PCDHA4: variants seen among roughly 807,000 people sequenced by gnomAD.
The protein encoded by PCDHA4 is protocadherin alpha-4.
PCDHA4 carries 49 observed loss-of-function variants against 61.4 expected under a neutral mutation model. That is an observed-to-expected ratio of 0.80 (90% CI 0.63 to 1.01). The LOEUF is 1.01. PCDHA4 is among the 50% of genes least tolerant of loss of function. The probability of loss-of-function intolerance (pLI) is 0.00; values close to 1 mark genes in which losing one functional copy is unlikely to be tolerated. For missense variants in PCDHA4, 1,254 were observed against 1,235.8 expected (o/e 1.01, Z -0.22); for synonymous variants, 590 against 550.3 (o/e 1.07, Z -1.01).
rs146197308 is a variant in PCDHA4 at position 140,808,877 on chromosome 5, G to A, written c.1690G>A (p.Ala564Thr). 1.9e-4 allele frequency: 304 copies of A among 1,613,254 alleles called. 1 individual carries two copies. In the African/African-American group the frequency reaches 3.5e-3, roughly 18 times the overall value. ...GCTGGACGAAAACGACAACGCGCCAGCACTGCTAGCGCCTCGGGCGGGTGG... is the reference window on the plus strand; with the variant it reads ...GCTGGACGAAAACGACAACGCGCCAACACTGCTAGCGCCTCGGGCGGGTGG... ...FVLDENDNAPALLAPRAGGTG... is the reference protein window; with the variant it reads ...FVLDENDNAPTLLAPRAGGTG... Residue 564 changes from alanine to threonine, a missense_variant, in exon 1 of 4, where the codon GCA becomes ACA. By Grantham distance (58) the Ala-to-Thr change is moderately conservative. Transcript: ENST00000530339.
chr5:140,978,787 C>G (rs1164015518), intron 1 of PCDHA4, 162 bp from the exon 2 acceptor site: 2 of 972,388 alleles, frequency 2.1e-6, no homozygotes, highest in Non-Finnish European at 2.4e-6. Context: ...TTCTAAAGTG[C>G]TATATATGTA....
In PCDHA4 at chr5:140,807,228, T is replaced by C; in HGVS notation, c.41T>C (p.Leu14Pro). 1 of 1,614,210 alleles carries C rather than the reference T, an allele frequency of 6.2e-7. No individual in the cohort carries two copies. The highest frequency in any genetic ancestry group is 1.1e-5 in the South Asian group (1 of 91,086). The change falls in exon 1 of 4, where the codon CTG becomes CCG. Residue 14 changes from leucine (L) to proline (P), a missense_variant. Transcript: ENST00000530339. ...GGAAGCGGCCAGGAATCCCGGCGTC[T>C]GCTGCTCTTACTTCTTCTCCTCGCA... ...SWGSGQESRR[L>P]LLLLLLLAAW...
intron 1 of PCDHA4, among the ~76,000 whole-genome samples, chr5:140,818,779 TTGAC>T (rs1474939105): frequency 1.3e-5 from 2 of 152,184 alleles, no homozygotes; most frequent in Non-Finnish European, 2.9e-5. Context: ...GCAATGAACT[TTGAC>T]TGTACCACTG....
chr5:140,811,611 C>T (rs1456888905), intron 1 of PCDHA4: 1 of 152,222 alleles, frequency 6.6e-6, no homozygotes, highest in East Asian at 1.9e-4. Context: ...TTTACACTCC[C>T]ACCAACGGTG....
At chr5:140,927,457 A>G in intron 1 of PCDHA4, 1 of 1,614,098 alleles carries the variant, frequency 6.2e-7, no homozygotes, top group Non-Finnish European at 8.5e-7. Flanking sequence ...GGTGTTGGAG[A>G]AAGCACTGGA....
At chr5:140,883,758 G>T in intron 1 of PCDHA4, 1 of 1,612,920 alleles carries the variant, frequency 6.2e-7, no homozygotes, top group Non-Finnish European at 8.5e-7. Flanking sequence ...CTGGTGGAGC[G>T]GCGGGTGGGC....
rs2150440873 is a variant in PCDHA4, at chr5:140,849,570, G to C, written c.2385+39998G>C. The C allele has an allele frequency of 3.3e-4, 531 of 1,598,560 alleles. 47 individuals carry two copies. Among genetic ancestry groups the C allele is most frequent in the Non-Finnish European group, 4.4e-4 (516 of 1,167,980 alleles). On this transcript the variant is annotated intron_variant, in intron 1 of 3. Coordinates refer to ENST00000530339, the MANE Select transcript of PCDHA4 (RefSeq NM_018907.4). ...GACTATCAAAACGCTCTCGGTTCCTGTAAAAGAGGACGCACAACTGGGGAC... is the reference window on the plus strand; with the variant it reads ...GACTATCAAAACGCTCTCGGTTCCTCTAAAAGAGGACGCACAACTGGGGAC...
intron 2 of PCDHA4, among the ~76,000 whole-genome samples, chr5:140,981,165 T>C (rs1411910974): frequency 6.6e-6 from 1 of 152,250 alleles, no homozygotes; most frequent in Non-Finnish European, 1.5e-5. Flanking sequence ...ATATGTTGCC[T>C]TCCCTCTAAT....
chr5:140,809,920 G>A, intron 1 of PCDHA4: 1 of 175,738 alleles, frequency 5.7e-6, no homozygotes, highest in Non-Finnish European at 1.2e-5. Context: ...AAATAATAAA[G>A]CTCCATAAAT....
intron 1 of PCDHA4, among the ~76,000 whole-genome samples, chr5:140,826,017 A>G (rs1296923952): frequency 2.6e-5 from 4 of 152,190 alleles, no homozygotes; most frequent in Non-Finnish European, 4.4e-5. Flanking sequence ...TTTACATGAT[A>G]AAATGTGAAT....
chr5:140,924,785 C>G (rs2082005933), intron 1 of PCDHA4, among the ~76,000 whole-genome samples: 1 of 151,704 alleles, frequency 6.6e-6, no homozygotes, highest in African/African-American at 2.4e-5. Context: ...GTCCTAGCTA[C>G]TTAGGAGGCT....
intron 1 of PCDHA4, chr5:140,860,013 G>T (rs1218796590): frequency 6.6e-6 from 1 of 151,942 alleles, no homozygotes; most frequent in African/African-American, 2.4e-5. Flanking sequence ...TTAAGGCCAG[G>T]CATGGTGGCT....
intron 1 of PCDHA4, among the ~76,000 whole-genome samples, chr5:140,934,604 G>C (rs1389000917): frequency 6.6e-6 from 1 of 151,762 alleles, no homozygotes; most frequent in Non-Finnish European, 1.5e-5. Context: ...TCAACTATTT[G>C]ATTAGCCTGA....
Position 140,850,173 on chromosome 5 carries a change from G to T in PCDHA4, c.2385+40601G>T, listed in dbSNP as rs2150470730. The T allele has an allele frequency of 4.0e-5, 64 of 1,594,368 alleles. 5 individuals carry two copies. The highest frequency in any genetic ancestry group is 5.0e-5 in the Non-Finnish European group (58 of 1,167,774). On this transcript the variant is annotated intron_variant, in intron 1 of 3. Coordinates refer to ENST00000530339, the MANE Select transcript of PCDHA4 (RefSeq NM_018907.4). ...GCAGGTGTTCGTGCTGGACGAGAAC[G>T]ACAATGCGCCGGCGCTGCTGACACC...
intron 1 of PCDHA4, chr5:140,834,468 G>T (rs1350848206): frequency 2.5e-6 from 4 of 1,614,146 alleles, no homozygotes; most frequent in Non-Finnish European, 2.5e-6. Flanking sequence ...GGCAGGGAGA[G>T]GCCAGCTCCA....
chr5:140,998,629 A>G (rs989469969), intron 3 of PCDHA4, among the ~76,000 whole-genome samples: 3 of 152,064 alleles, frequency 2.0e-5, no homozygotes, highest in African/African-American at 7.2e-5. Context: ...CAATGGCACA[A>G]TCTCAGCTCA....
At chr5:140,843,783 T>C in intron 1 of PCDHA4, 1 of 1,421,268 alleles carries the variant, frequency 7.0e-7, no homozygotes, top group Admixed American at 2.1e-5. Context: ...TAAAAGTGTT[T>C]CAGATTTAGT....
At chr5:140,961,548 T>G (rs2095620507) in intron 1 of PCDHA4, among the ~76,000 whole-genome samples, 2 of 152,230 alleles carry the variant, frequency 1.3e-5, no homozygotes, top group Non-Finnish European at 2.9e-5. Flanking sequence ...CCTGCAGCAT[T>G]TCTTTTTTTA....
chr5:140,850,468 C>A, intron 1 of PCDHA4: 2 of 1,597,912 alleles, frequency 1.3e-6, no homozygotes, highest in Non-Finnish European at 8.6e-7. Flanking sequence ...GGGGAGCCAG[C>A]GCTGACGGCC....
Sources: gnomAD v4.1 joint callset for allele counts (sites outside exome capture counted in the v4.1 genomes callset) on GRCh38, gnomAD v4.1.1 for gene constraint, MANE v1.5 for transcripts, NCBI Gene and HGNC (gene_info 2026-07-23, HGNC 2026-07-21) for gene names.